The following SNX14 variants were observed in gnomAD, a reference collection of about 807,000 sequenced individuals.
The protein encoded by SNX14 is sorting nexin-14.
SNX14 carries 93 observed loss-of-function variants against 133.8 expected under a neutral mutation model. That is an observed-to-expected ratio of 0.70 (90% confidence interval 0.59 to 0.83). The LOEUF is 0.83. SNX14 is among the 40% of genes least tolerant of loss of function. The pLI, the probability that SNX14 is intolerant of heterozygous loss-of-function variation, is 0.00. For missense variants in SNX14, 945 were observed against 1,094.9 expected, an observed-to-expected ratio of 0.86 and a Z score of 1.93; for synonymous variants, 368 against 365.6, an observed-to-expected ratio of 1.01 and a Z score of -0.07.
At chr6:85,513,382 T>C (rs1418558638) in intron 26 of SNX14, among the ~76,000 whole-genome samples, 2 of 152,228 alleles carry the variant, frequency 1.3e-5, no homozygotes, top group Non-Finnish European at 2.9e-5. Context: ...CTCAAGTGCA[T>C]TTTTTATATG....
intron 26 of SNX14, among the ~76,000 whole-genome samples, chr6:85,509,740 G>A (rs1646003940): frequency 6.6e-6 from 1 of 152,020 alleles, no homozygotes; most frequent in African/African-American, 2.4e-5. Context: ...CTGTGGGTCT[G>A]GACAAATAGA....
intron 18 of SNX14, among the ~76,000 whole-genome samples, chr6:85,533,312 T>C (rs541560396): frequency 1.8e-4 from 28 of 152,370 alleles, no homozygotes; most frequent in African/African-American, 6.3e-4. Context: ...CAATGGCTAA[T>C]GATGGCAACA....
chr6:85,584,658 T>C (rs1425424938), intron 1 of SNX14, among the ~76,000 whole-genome samples: 1 of 152,186 alleles, frequency 6.6e-6, no homozygotes, highest in African/African-American at 2.4e-5. Context: ...AAGCTCATCA[T>C]CACGGGTCAT....
At position 85,514,292 on chromosome 6, in the gene SNX14, T is replaced by C. The variant is rs559445172; in HGVS notation, c.2393-58A>G. 1.4e-5 allele frequency: 21 copies of C among 1,549,226 alleles called. 1 individual carries two copies. In the South Asian group the frequency reaches 2.4e-4, roughly 18 times the overall value. On this transcript the variant is annotated intron_variant, in intron 24 of 28. Coordinates refer to ENST00000314673, the MANE Select transcript of SNX14 (RefSeq NM_153816.6). The stretch of plus-strand genomic sequence containing the variant: ...TCCAGATGAATTGGTATTTTTGAAA[T>C]TTGCCAATGTAGAAAACACAAATGA...
At chr6:85,563,669 A>G (rs1401720697) in intron 6 of SNX14, among the ~76,000 whole-genome samples, 3 of 152,194 alleles carry the variant, frequency 2.0e-5, no homozygotes, top group Non-Finnish European at 4.4e-5. Context: ...CTGGGATTAC[A>G]GGCGTGAGCC....
chr6:85,509,568 G>A (rs1772025458), intron 26 of SNX14, among the ~76,000 whole-genome samples: 1 of 152,108 alleles, frequency 6.6e-6, no homozygotes, highest in Non-Finnish European at 1.5e-5. Context: ...ATGAAACTGA[G>A]CAGAAGGAAG....
At chr6:85,542,179 C>CTAG in intron 14 of SNX14, 136 bp from the exon 15 acceptor site, 1 of 537,730 alleles carries the variant, frequency 1.9e-6, no homozygotes, top group Non-Finnish European at 3.2e-6. Context: ...ACATGGTCAA[C>CTAG]TAGGGTAAGG....
In SNX14 at chr6:85,593,764, G is replaced by A. The variant is rs752853745; in HGVS notation, c.-46C>T. ...GACTGCGCTACTGGCTGAGGCAGAG[G>A]TCAAGGCGACCCCCCATCCACACCT... On this transcript the variant is annotated 5_prime_UTR_variant, in exon 1 of 29. Coordinates refer to ENST00000314673, the MANE Select transcript of SNX14 (RefSeq NM_153816.6). The A allele has an allele frequency of 4.4e-6, 7 of 1,603,432 alleles. No homozygotes were observed. Among genetic ancestry groups the A allele is most frequent in the Middle Eastern group, 1.7e-4 (1 of 6,032 alleles).
rs1795898056 is a variant in SNX14, at chr6:85,572,322, C to T, written c.314G>A (p.Gly105Asp). ...FPQGHSCAVC[G>D]KVKCKRHRPS... is the part of the protein sequence containing the mutation. ...CCTATGTCGTTTACATTTCACTTTA[C>T]CACAAACAGCACAGCTATGACCTTG... is the stretch of plus-strand genomic sequence containing the variant. Residue 105 changes from glycine to aspartate, a missense_variant, in exon 3 of 29, where the codon GGT (glycine) becomes GAT (aspartate). By Grantham distance (94) the Gly-to-Asp change is moderately conservative (BLOSUM62 -1). Around this residue, in one of 3 missense-constraint regions of SNX14, gnomAD observed 514 missense variants for 538.8 expected, o/e 0.95. Coordinates refer to ENST00000314673, the MANE Select transcript of SNX14 (RefSeq NM_153816.6). The T allele has an allele frequency of 6.2e-7, 1 of 1,613,206 alleles. No homozygotes were observed. The highest frequency in any genetic ancestry group is 1.3e-5 in the African/African-American group (1 of 74,856).
rs768495285 is a variant in SNX14 at position 85,526,186 on chromosome 6, G to C, written c.2047C>G (p.Leu683Val). 4 of 1,608,442 alleles carry C rather than the reference G, an allele frequency of 2.5e-6. No individual in the cohort carries two copies. The highest frequency in any genetic ancestry group is 2.5e-6 in the Non-Finnish European group (3 of 1,177,488). Residue 683 changes from leucine to valine, a missense_variant, in exon 21 of 29, where the codon CTT (leucine) becomes GTT (valine). Physicochemically the swap from Leu to Val is conservative, Grantham distance 32. Transcript: ENST00000314673. ...LSNSQLLADF[L>V]SPNGGETQFL... ...TGTGTTTCCCCACCATTAGGGGAAA[G>C]AAAGTCTGCCAGAAGTTGACTATTA... is the stretch of plus-strand genomic sequence containing the variant.
At position 85,549,758 on chromosome 6, in the gene SNX14, A is replaced by G. The variant is rs1455497957; in HGVS notation, c.756T>C (p.Phe252=). The G allele has an allele frequency of 1.9e-6, 3 of 1,612,968 alleles. No homozygotes were observed. The highest frequency in any genetic ancestry group is 2.5e-6 in the Non-Finnish European group (3 of 1,179,564). Residue 252 remains phenylalanine, a synonymous_variant, in exon 8 of 29, where the codon TTT becomes TTC. Coordinates refer to ENST00000314673, the MANE Select transcript of SNX14 (RefSeq NM_153816.6). ...TTGCTTTAGGAGGCAAAATATAAGG[A>G]AAAAGCAGTTCAGTAAGTTTCCTTA... is the stretch of plus-strand genomic sequence containing the variant. ...HYLRKLTELL[F]PYILPPKATD...
intron 20 of SNX14, among the ~76,000 whole-genome samples, chr6:85,526,793 G>C (rs369312006): frequency 4.9e-4 from 74 of 152,294 alleles, no homozygotes; most frequent in African/African-American, 1.6e-3. Flanking sequence ...ACATGGGCTG[G>C]GTGCGGTGGC....
intron 17 of SNX14, 67 bp downstream of exon 17, chr6:85,536,725 A>G: frequency 8.2e-6 from 12 of 1,471,566 alleles, no homozygotes; most frequent in Non-Finnish European, 1.1e-5. Context: ...AATAATGAGT[A>G]TATCTAATTT....
chr6:85,568,218 C>G (rs897479197), intron 4 of SNX14: 3 of 152,144 alleles, frequency 2.0e-5, no homozygotes, highest in African/African-American at 7.2e-5. Flanking sequence ...CTTAACTGAA[C>G]CAAAAACGTG....
At chr6:85,546,970 A>G in intron 12 of SNX14, 142 bp downstream of exon 12, 1 of 572,332 alleles carries the variant, frequency 1.7e-6, no homozygotes. Context: ...TCAAACAAAA[A>G]AAAAAAAAAA....
Position 85,567,583 on chromosome 6 carries a change from T to A in SNX14, c.418-6A>T. On this transcript the variant is annotated splice_region_variant and splice_polypyrimidine_tract_variant and intron_variant, in intron 4 of 28. Coordinates refer to ENST00000314673, the MANE Select transcript of SNX14 (RefSeq NM_153816.6). ...TCCAACACTAATTCAAGAACCTGCATAAACAATTATTTTTTAAAGAAAAAT... is the reference window on the plus strand; with the variant it reads ...TCCAACACTAATTCAAGAACCTGCAAAAACAATTATTTTTTAAAGAAAAAT... The A allele has an allele frequency of 2.0e-6, 3 of 1,501,620 alleles. No individual in the cohort carries two copies. The highest frequency in any genetic ancestry group is 2.9e-5 in the African/African-American group (2 of 67,826). 93.0% of individuals were successfully genotyped at this position (1,501,620 alleles called of 1,614,324 possible).
At position 85,528,323 on chromosome 6, in the gene SNX14, A is replaced by G; in HGVS notation, c.1934T>C (p.Ile645Thr). 3 of 1,613,386 alleles carry G rather than the reference A, an allele frequency of 1.9e-6. No homozygotes were observed. The highest frequency in any genetic ancestry group is 2.5e-6 in the Non-Finnish European group (3 of 1,179,642). ...TAAGAATTCATAATTTTTGGGGCCA[A>G]TGATCCTCTTAGAAGGAAGCTGGGC... ...PDAQLPSKRI[I>T]GPKNYEFLKS... Residue 645 changes from isoleucine (I) to threonine (T), a missense_variant, in exon 20 of 29, where the codon ATT becomes ACT. Ile to Thr is a moderately conservative substitution (Grantham distance 89). Around this residue, in one of 3 missense-constraint regions of SNX14, gnomAD observed 412 missense variants for 516.6 expected, o/e 0.80. Transcript: ENST00000314673.
chr6:85,507,145 G>C (rs1038178682), intron 28 of SNX14, 88 bp downstream of exon 28: 2 of 1,184,384 alleles, frequency 1.7e-6, no homozygotes, highest in Non-Finnish European at 2.5e-6. Context: ...ACAGAGACAA[G>C]GGTTTTCTTA....
intron 23 of SNX14, among the ~76,000 whole-genome samples, chr6:85,516,715 G>T (rs996911418): frequency 1.4e-5 from 2 of 139,796 alleles, no homozygotes; most frequent in Non-Finnish European, 3.0e-5. Context: ...TCAGCTCACT[G>T]CAACCTCCAC....
Sources: allele counts gnomAD v4.1 joint callset (sites outside exome capture counted in the v4.1 genomes callset), GRCh38; gene constraint gnomAD v4.1.1; regional missense constraint gnomAD v4.1.1; transcripts MANE v1.5; gene names NCBI Gene and HGNC (gene_info 2026-07-23, HGNC 2026-07-21).